STX6: variants seen among roughly 807,000 people sequenced by gnomAD.
STX6 encodes the protein syntaxin 6, also known as syntaxin-6.
In STX6, 23 loss-of-function variants were observed where a neutral mutation model predicts 38.0. The ratio of observed to expected loss-of-function variants is 0.60; its 90% confidence interval spans 0.43 to 0.86. The LOEUF (loss-of-function observed/expected upper bound fraction) is 0.86. STX6 is among the 40% of genes least tolerant of loss of function. The probability of loss-of-function intolerance (pLI) is 0.00; values close to 1 mark genes in which losing one functional copy is unlikely to be tolerated. For synonymous variants in STX6, 123 were observed against 107.5 expected (o/e 1.14, Z -0.89); for missense variants, 274 against 312.9 (o/e 0.88, Z 0.94).
chr1:181,002,125 G>A (rs1656097902), intron 3 of STX6, among the ~76,000 whole-genome samples: 2 of 152,104 alleles, frequency 1.3e-5, no homozygotes, highest in Non-Finnish European at 2.9e-5. Flanking sequence ...TCAACACAGT[G>A]AGACCTTGTG....
At chr1:180,990,581 T>C (rs537445080) in intron 4 of STX6, among the ~76,000 whole-genome samples, 1 of 152,108 alleles carries the variant, frequency 6.6e-6, no homozygotes, top group Non-Finnish European at 1.5e-5. Context: ...TTCCCTGGAA[T>C]GACAAGAAGG....
At position 180,975,323 on chromosome 1, in the gene STX6, C is replaced by T. The variant is rs1655215784; in HGVS notation, c.*1247G>A. Reference sequence around the variant, plus strand: ...GGAAGTTATAAAAATATCCTATATACATGTGCACATTTGAGGCATTTTAAA... The same window carrying T: ...GGAAGTTATAAAAATATCCTATATATATGTGCACATTTGAGGCATTTTAAA... On this transcript the variant is annotated 3_prime_UTR_variant, in exon 8 of 8. Coordinates refer to ENST00000258301, the MANE Select transcript of STX6 (RefSeq NM_005819.6). 6.6e-6 allele frequency: 1 copy of T among 152,600 alleles called. No individual in the cohort carries two copies. Among genetic ancestry groups the T allele is most frequent in the Non-Finnish European group, 1.5e-5 (1 of 68,030 alleles). 9.5% of individuals were successfully genotyped at this position (152,600 alleles called of 1,614,324 possible). A position where few individuals can be genotyped will look rare whatever the true frequency, so the allele number is the denominator to read the frequency against.
chr1:180,984,881 A>C, intron 6 of STX6, 110 bp from the exon 7 acceptor site: 1 of 491,566 alleles, frequency 2.0e-6, no homozygotes, highest in Non-Finnish European at 3.7e-6. Flanking sequence ...AATAGGCAAC[A>C]CTGGGTTTCA....
chr1:181,017,831 G>C (rs1656606605), intron 1 of STX6, among the ~76,000 whole-genome samples: 1 of 152,124 alleles, frequency 6.6e-6, no homozygotes, highest in African/African-American at 2.4e-5. Context: ...GAATATTCTG[G>C]AGGACAACGT....
At chr1:181,016,298 A>G (rs1397094695) in intron 1 of STX6, among the ~76,000 whole-genome samples, 4 of 152,130 alleles carry the variant, frequency 2.6e-5, no homozygotes. Context: ...ACACCTCAGC[A>G]GACACTTCCT....
At chr1:181,001,900 T>G (rs962668714) in intron 3 of STX6, among the ~76,000 whole-genome samples, 4 of 152,226 alleles carry the variant, frequency 2.6e-5, no homozygotes, top group African/African-American at 9.6e-5. Flanking sequence ...CCTGACAGGC[T>G]GGGCATGGTG....
Position 181,022,697 on chromosome 1 carries a change from C to T in STX6, c.-24G>A. 6.2e-7 allele frequency: 1 copy of T among 1,600,928 alleles called. No homozygotes were observed. The highest frequency in any genetic ancestry group is 8.5e-7 in the Non-Finnish European group (1 of 1,174,928). On this transcript the variant is annotated 5_prime_UTR_variant, in exon 1 of 8. Transcript: ENST00000258301. ...ATGGCGTCCCGGCCCCGGCCGCCTT[C>T]ACCTCCTCCGCGCACAGGGCGCCCG... is the stretch of plus-strand genomic sequence containing the variant.
chr1:180,977,266 C>T (rs1476024206), intron 7 of STX6, among the ~76,000 whole-genome samples: 1 of 152,232 alleles, frequency 6.6e-6, no homozygotes, highest in Non-Finnish European at 1.5e-5. Context: ...AAACTTTCTG[C>T]CCTACCAACA....
chr1:181,020,605 C>CT (rs1656698436), intron 1 of STX6, among the ~76,000 whole-genome samples: 1 of 152,130 alleles, frequency 6.6e-6, no homozygotes, highest in Admixed American at 6.5e-5. Flanking sequence ...AGAGACAGGC[C>CT]TGATTATCTA....
chr1:180,999,979 A>G (rs35672928), intron 3 of STX6, among the ~76,000 whole-genome samples: 48,076 of 152,042 alleles, frequency 0.32, 7,945 homozygotes, highest in Non-Finnish European at 0.36. Flanking sequence ...TATACAAGGT[A>G]TATTTTATTT....
intron 6 of STX6, among the ~76,000 whole-genome samples, chr1:180,985,472 C>T (rs1214915075): frequency 1.3e-5 from 2 of 152,234 alleles, no homozygotes; most frequent in African/African-American, 2.4e-5. Context: ...AAAATAACCT[C>T]CTATAAGGCA....
intron 3 of STX6, among the ~76,000 whole-genome samples, chr1:180,996,646 C>T (rs904412516): frequency 6.6e-6 from 1 of 152,076 alleles, no homozygotes; most frequent in East Asian, 1.9e-4. Context: ...CATCACAGCT[C>T]ACTGCAGCCT....
chr1:180,996,501 T>A (rs1408649219), intron 3 of STX6, among the ~76,000 whole-genome samples: 2 of 152,282 alleles, frequency 1.3e-5, no homozygotes, highest in East Asian at 3.9e-4. Context: ...TGATAATACT[T>A]AGTGAAGGTA....
chr1:181,004,860 G>C (rs539915181), intron 2 of STX6, among the ~76,000 whole-genome samples: 44 of 151,824 alleles, frequency 2.9e-4, no homozygotes, highest in African/African-American at 8.7e-4. Context: ...TTGTGGGACT[G>C]AGCTCTTAAC....
chr1:180,989,334 T>G (rs903274098), intron 5 of STX6: 1 of 150,490 alleles, frequency 6.6e-6, no homozygotes, highest in Non-Finnish European at 1.5e-5. Context: ...TCTACTAAAA[T>G]ACAAAAAAAA....
At chr1:181,006,882 T>C (rs1437029430) in intron 1 of STX6, among the ~76,000 whole-genome samples, 2 of 152,188 alleles carry the variant, frequency 1.3e-5, no homozygotes, top group Non-Finnish European at 2.9e-5. Flanking sequence ...AAGCAAACTA[T>C]ATGGACAACA....
At chr1:180,988,754 G>C (rs1655662915) in intron 5 of STX6, 1 of 158,620 alleles carries the variant, frequency 6.3e-6, no homozygotes, top group Non-Finnish European at 1.4e-5. Context: ...AAATACAAGA[G>C]AGTCTGGCAA....
intron 1 of STX6, among the ~76,000 whole-genome samples, chr1:181,006,719 T>C (rs186900656): frequency 8.9e-4 from 135 of 152,046 alleles, no homozygotes; most frequent in African/African-American, 2.7e-3. Flanking sequence ...ACGCATCCTA[T>C]ACCCTCTGAC....
chr1:180,978,411 C>T (rs1022595436), intron 7 of STX6, among the ~76,000 whole-genome samples: 1 of 152,082 alleles, frequency 6.6e-6, no homozygotes, highest in Non-Finnish European at 1.5e-5. Context: ...ATTGATGAGT[C>T]GCTGAAGGCT....
Sources: allele counts gnomAD v4.1 joint callset (sites outside exome capture counted in the v4.1 genomes callset), GRCh38; gene constraint gnomAD v4.1.1; transcripts MANE v1.5; gene names NCBI Gene and HGNC (gene_info 2026-07-23, HGNC 2026-07-21).